Variants in ATRX observed in about 807,000 individuals in gnomAD.
ATRX encodes ATRX chromatin remodeler, also known as chromatin remodeler ATRX.
ATRX carries 12 observed loss-of-function variants against 172.6 expected under a neutral mutation model. The observed-to-expected ratio is 0.07, with a 90% CI of 0.04 to 0.11. The LOEUF (loss-of-function observed/expected upper bound fraction) is 0.11, where lower values mean the gene tolerates loss of function less well. Among genes scored for constraint, ATRX ranks in the 10% least tolerant of loss-of-function variants. The pLI is 1.00. For missense variants in ATRX, 1,368 were observed against 1,767.4 expected, an observed-to-expected ratio of 0.77 and a Z score of 4.05; for synonymous variants, 674 against 594.7, an observed-to-expected ratio of 1.13 and a Z score of -1.94.
At chrX:77,662,879 T>C in intron 12 of ATRX, among the ~76,000 whole-genome samples, 1 of 109,342 alleles carries the variant, frequency 9.1e-6, no homozygotes, top group Non-Finnish European at 1.9e-5. Context: ...ATATTTTTAG[T>C]AGAGACGGGG....
At chrX:77,734,094 C>A (rs1459125664) in intron 1 of ATRX, among the ~76,000 whole-genome samples, 2 of 110,673 alleles carry the variant, frequency 1.8e-5, no homozygotes, top group Non-Finnish European at 3.8e-5. Flanking sequence ...GTAATCCCAG[C>A]TCCTCAGGAG....
intron 19 of ATRX, among the ~76,000 whole-genome samples, chrX:77,625,114 G>T (rs909573522): frequency 1.8e-5 from 2 of 111,774 alleles, no homozygotes; most frequent in Admixed American, 1.9e-4. Flanking sequence ...ACTAATCTTC[G>T]ACAAAGCAAA....
intron 27 of ATRX, among the ~76,000 whole-genome samples, chrX:77,587,885 G>A (rs782390941): frequency 2.8e-4 from 31 of 112,339 alleles, no homozygotes; most frequent in Non-Finnish European, 4.3e-4. Context: ...TAAGATGGCA[G>A]TACTTCCTAA....
chrX:77,522,405 T>C lies in ATRX; in HGVS notation c.6850-17A>G, dbSNP rs2147752099. The stretch of plus-strand genomic sequence containing the variant: ...GGTCAGTCCCTAAAAACAAAAAAAT[T>C]ATGCACTTTTCACATTGTGATTTAA... On this transcript the variant is annotated splice_polypyrimidine_tract_variant and intron_variant, in intron 31 of 34. Transcript: ENST00000373344. 1 of 1,207,690 alleles carries C rather than the reference T, an allele frequency of 8.3e-7. No homozygotes were observed. The highest frequency in any genetic ancestry group is 1.1e-6 in the Non-Finnish European group (1 of 892,415).
At chrX:77,519,513 T>A (rs1729435524) in intron 34 of ATRX, among the ~76,000 whole-genome samples, 1 of 110,846 alleles carries the variant, frequency 9.0e-6, no homozygotes, top group South Asian at 3.9e-4. Flanking sequence ...GGTCAGAGGA[T>A]CGTTTAAGCC....
At chrX:77,525,292 C>T (rs1281093023) in intron 30 of ATRX, among the ~76,000 whole-genome samples, 1 of 111,887 alleles carries the variant, frequency 8.9e-6, no homozygotes, top group Non-Finnish European at 1.9e-5. Flanking sequence ...CTGTTACTGA[C>T]CAGGCAGGCA....
At chrX:77,741,760 C>T (rs2074881860) in intron 1 of ATRX, among the ~76,000 whole-genome samples, 1 of 111,675 alleles carries the variant, frequency 9.0e-6, no homozygotes, top group Non-Finnish European at 1.9e-5. Context: ...CCACATCCAG[C>T]CGATAGTGAC....
chrX:77,513,773 GAAAT>G (rs1670544727), intron 34 of ATRX, among the ~76,000 whole-genome samples: 2 of 111,471 alleles, frequency 1.8e-5, no homozygotes, highest in African/African-American at 6.5e-5. Flanking sequence ...TCAGGAAACA[GAAAT>G]AAATAAAGGT....
At chrX:77,733,668 A>C (rs2074397448) in intron 1 of ATRX, among the ~76,000 whole-genome samples, 1 of 95,247 alleles carries the variant, frequency 1.0e-5, no homozygotes, top group Non-Finnish European at 2.1e-5. Flanking sequence ...CAGGAGTTTG[A>C]GACCAGCCTG....
intron 20 of ATRX, among the ~76,000 whole-genome samples, chrX:77,620,168 T>C (rs1271737669): frequency 8.9e-6 from 1 of 112,396 alleles, no homozygotes; most frequent in Middle Eastern, 4.2e-3. Flanking sequence ...CATATTTATA[T>C]ATGAACATTC....
chrX:77,549,656 T>A (rs1569521306), intron 30 of ATRX, among the ~76,000 whole-genome samples: 1 of 112,417 alleles, frequency 8.9e-6, no homozygotes. Context: ...AGTTTCAAAA[T>A]GGCTGAGAAA....
chrX:77,550,716 C>T (rs1191495831), intron 30 of ATRX, among the ~76,000 whole-genome samples: 1 of 111,383 alleles, frequency 9.0e-6, no homozygotes, highest in Non-Finnish European at 1.9e-5. Context: ...TCTAGAAAAC[C>T]CCATTGTCTC....
chrX:77,604,511 G>A (rs1253691191), intron 22 of ATRX, among the ~76,000 whole-genome samples: 2 of 112,082 alleles, frequency 1.8e-5, no homozygotes, highest in African/African-American at 6.5e-5. Context: ...CAAAGATGCG[G>A]AGGAAAGAGA....
intron 11 of ATRX, among the ~76,000 whole-genome samples, chrX:77,663,762 T>C (rs1011551578): frequency 2.0e-4 from 22 of 112,086 alleles, no homozygotes; most frequent in East Asian, 1.1e-3. Flanking sequence ...ATCACCTATA[T>C]ATTTATAGAA....
chrX:77,754,262 A>G (rs185196083), intron 1 of ATRX, among the ~76,000 whole-genome samples: 160 of 111,005 alleles, frequency 1.4e-3, no homozygotes, highest in Non-Finnish European at 2.5e-3. Context: ...TTCTGAATAC[A>G]GCACACCAAT....
chrX:77,674,259 C>A (rs2070760174), intron 10 of ATRX: 1 of 111,429 alleles, frequency 9.0e-6, no homozygotes, highest in Non-Finnish European at 1.9e-5. Flanking sequence ...AATATATAAT[C>A]TATACTAAAA....
At chrX:77,743,240 G>A (rs962260557) in intron 1 of ATRX, among the ~76,000 whole-genome samples, 1 of 111,164 alleles carries the variant, frequency 9.0e-6, no homozygotes, top group Non-Finnish European at 1.9e-5. Context: ...ACAAGAGGAA[G>A]GAACTCCGCC....
chrX:77,660,553 C>G (rs1463559170), intron 12 of ATRX, among the ~76,000 whole-genome samples: 1 of 107,532 alleles, frequency 9.3e-6, no homozygotes, highest in Non-Finnish European at 1.9e-5. Flanking sequence ...GGCGACAAAG[C>G]AAGACTCCGA....
intron 2 of ATRX, among the ~76,000 whole-genome samples, chrX:77,703,941 G>A (rs2072675114): frequency 9.0e-6 from 1 of 110,738 alleles, no homozygotes; most frequent in Non-Finnish European, 1.9e-5. Flanking sequence ...AGAGAGGGTG[G>A]TTCTTCTCTG....
Sources: allele counts gnomAD v4.1 joint callset (sites outside exome capture counted in the v4.1 genomes callset), GRCh38; gene constraint gnomAD v4.1.1; transcripts MANE v1.5; gene names NCBI Gene and HGNC (gene_info 2026-07-23, HGNC 2026-07-21).